HTR1E: variants seen among roughly 807,000 people sequenced by gnomAD.
HTR1E encodes 5-hydroxytryptamine receptor 1E.
HTR1E carries 3 observed loss-of-function variants against 3.4 expected under a neutral mutation model. The ratio of observed to expected loss-of-function variants is 0.89; its 90% CI spans 0.41 to 2.31. The LOEUF is 2.31. Among genes scored for constraint, HTR1E ranks in the 30% most tolerant of loss-of-function variants. The pLI, the probability that HTR1E is intolerant of heterozygous loss-of-function variation, is 0.05. For synonymous variants in HTR1E, 170 were observed against 182.8 expected, an observed-to-expected ratio of 0.93 and a Z score of 0.56; for missense variants, 392 against 467.0, an observed-to-expected ratio of 0.84 and a Z score of 1.48.
At chr6:86,980,820 C>T (rs190790339) in intron 1 of HTR1E, among the ~76,000 whole-genome samples, 2 of 152,232 alleles carry the variant, frequency 1.3e-5, no homozygotes, top group Admixed American at 6.5e-5. Flanking sequence ...CCAAATTATA[C>T]TAATTCCTAT....
intron 1 of HTR1E, among the ~76,000 whole-genome samples, chr6:86,984,530 G>C (rs982491500): frequency 1.3e-5 from 2 of 152,186 alleles, no homozygotes; most frequent in African/African-American, 2.4e-5. Flanking sequence ...CAGGGATGCT[G>C]ATTTTAAGAA....
chr6:86,957,863 C>G (rs935511290), intron 1 of HTR1E, among the ~76,000 whole-genome samples: 1 of 152,148 alleles, frequency 6.6e-6, no homozygotes, highest in Non-Finnish European at 1.5e-5. Context: ...TACAGGAGCA[C>G]AGTGGTGGAT....
At chr6:86,992,224 G>A (rs927575149) in intron 1 of HTR1E, among the ~76,000 whole-genome samples, 1 of 152,130 alleles carries the variant, frequency 6.6e-6, no homozygotes, top group Non-Finnish European at 1.5e-5. Flanking sequence ...GATTTAAAGG[G>A]TAAAGAGAAA....
chr6:86,941,166 C>A lies in HTR1E; in HGVS notation c.-186+3343C>A, dbSNP rs1768539474. The stretch of plus-strand genomic sequence containing the variant: ...TTAGGTCAGTCAACTTACCAAAGTT[C>A]ATCTTCCTGGTGATGAAAGGACTTT... On this transcript the variant is annotated intron_variant, in intron 1 of 1. Coordinates refer to ENST00000305344, the MANE Select transcript of HTR1E (RefSeq NM_000865.3). Among the ~76,000 whole-genome samples the A allele has an allele frequency of 2.6e-5, 4 of 152,222 alleles. No homozygotes were observed. The South Asian group carries it at 8.3e-4, about 32-fold the overall frequency.
At chr6:86,986,136 AAAACTATTAGT>A (rs1243744630) in intron 1 of HTR1E, among the ~76,000 whole-genome samples, 1 of 152,198 alleles carries the variant, frequency 6.6e-6, no homozygotes, top group Non-Finnish European at 1.5e-5. Context: ...GAGAATTGGC[AAAACTATTAGT>A]TCAAAATTTA....
At chr6:87,012,394 A>G (rs1768251914) in intron 1 of HTR1E, among the ~76,000 whole-genome samples, 1 of 152,290 alleles carries the variant, frequency 6.6e-6, no homozygotes, top group African/African-American at 2.4e-5. Flanking sequence ...CAGAGCCTAC[A>G]TGAGGGTAGA....
chr6:86,964,317 G>A (rs1363365196), intron 1 of HTR1E, among the ~76,000 whole-genome samples: 1 of 152,130 alleles, frequency 6.6e-6, no homozygotes, highest in Non-Finnish European at 1.5e-5. Flanking sequence ...CCTACATATT[G>A]CTCATAAAGT....
chr6:86,975,640 C>T (rs1406976892), intron 1 of HTR1E, among the ~76,000 whole-genome samples: 1 of 151,962 alleles, frequency 6.6e-6, no homozygotes, highest in Non-Finnish European at 1.5e-5. Flanking sequence ...CATGGACATC[C>T]TCTCACTCTG....
chr6:86,985,500 A>G (rs116943037), intron 1 of HTR1E, among the ~76,000 whole-genome samples: 72 of 152,310 alleles, frequency 4.7e-4, no homozygotes, highest in Non-Finnish European at 8.1e-4. Flanking sequence ...GAATGTCCCA[A>G]AAGACCTCAC....
chr6:87,012,266 C>T (rs1163266774), intron 1 of HTR1E, among the ~76,000 whole-genome samples: 1 of 152,106 alleles, frequency 6.6e-6, no homozygotes, highest in Non-Finnish European at 1.5e-5. Context: ...TAGAGAAAGT[C>T]TCAAGCATGA....
intron 1 of HTR1E, among the ~76,000 whole-genome samples, chr6:86,972,752 G>A (rs542414585): frequency 6.6e-6 from 1 of 152,280 alleles, no homozygotes; most frequent in African/African-American, 2.4e-5. Context: ...GTATGAGTGT[G>A]TATGCGAGTT....
At chr6:86,992,540 A>C (rs1767883218) in intron 1 of HTR1E, among the ~76,000 whole-genome samples, 1 of 152,192 alleles carries the variant, frequency 6.6e-6, no homozygotes, top group African/African-American at 2.4e-5. Context: ...CTGAAGAATA[A>C]ATTTAAAAGG....
intron 1 of HTR1E, among the ~76,000 whole-genome samples, chr6:86,995,917 C>T (rs1240060835): frequency 1.3e-5 from 2 of 151,506 alleles, no homozygotes; most frequent in East Asian, 3.9e-4. Context: ...CTCACTCCAC[C>T]AAGAAGACAT....
intron 1 of HTR1E, among the ~76,000 whole-genome samples, chr6:87,002,904 T>C (rs1582280869): frequency 6.6e-6 from 1 of 152,200 alleles, no homozygotes; most frequent in African/African-American, 2.4e-5. Flanking sequence ...ACTTTCAGCA[T>C]TGGACAGATC....
chr6:87,002,424 G>A (rs767215519), intron 1 of HTR1E, among the ~76,000 whole-genome samples: 2 of 152,222 alleles, frequency 1.3e-5, no homozygotes, highest in Admixed American at 6.5e-5. Flanking sequence ...ACCCGAGGAG[G>A]TTGCCACTGC....
chr6:86,968,258 G>T (rs539856397), intron 1 of HTR1E, among the ~76,000 whole-genome samples: 2 of 152,082 alleles, frequency 1.3e-5, no homozygotes, highest in African/African-American at 4.8e-5. Flanking sequence ...GAAAAATTCT[G>T]CTATTACAAA....
chr6:86,951,538 T>C (rs1361154359), intron 1 of HTR1E, among the ~76,000 whole-genome samples: 1 of 152,156 alleles, frequency 6.6e-6, no homozygotes, highest in Non-Finnish European at 1.5e-5. Flanking sequence ...TATTGATTTA[T>C]AAACTCCAAG....
At chr6:86,948,284 A>T (rs1433257856) in intron 1 of HTR1E, among the ~76,000 whole-genome samples, 1 of 152,196 alleles carries the variant, frequency 6.6e-6, no homozygotes, top group Non-Finnish European at 1.5e-5. Flanking sequence ...TGAAAACATC[A>T]TTTCTAATAA....
chr6:87,009,252 T>A (rs563938333), intron 1 of HTR1E, among the ~76,000 whole-genome samples: 3 of 149,304 alleles, frequency 2.0e-5, no homozygotes, highest in African/African-American at 7.5e-5. Context: ...GATTAGGGAT[T>A]GGTGATGACT....
Sources: gnomAD v4.1 joint callset for allele counts (sites outside exome capture counted in the v4.1 genomes callset) on GRCh38, gnomAD v4.1.1 for gene constraint, MANE v1.5 for transcripts, NCBI Gene and HGNC (gene_info 2026-07-23, HGNC 2026-07-21) for gene names.